The following DNM3 variants were observed in gnomAD, a reference collection of about 807,000 sequenced individuals.
The protein encoded by DNM3 is dynamin-3.
Under a neutral mutation model 101.6 loss-of-function variants are expected in DNM3, and 47 were observed. That is an observed-to-expected ratio of 0.46 (90% CI 0.37 to 0.59). DNM3 has a LOEUF of 0.59. Among genes scored for constraint, DNM3 ranks in the 20% least tolerant of loss-of-function variants. The pLI is 0.00. For synonymous variants in DNM3, 385 were observed against 387.9 expected, an observed-to-expected ratio of 0.99 and a Z score of 0.09; for missense variants, 849 against 1,085.7, an observed-to-expected ratio of 0.78 and a Z score of 3.06.
chr1:172,075,173 G>C (rs1316763326), intron 11 of DNM3, among the ~76,000 whole-genome samples: 2 of 150,828 alleles, frequency 1.3e-5, no homozygotes, highest in Non-Finnish European at 3.0e-5. Context: ...TTTTTTTCTG[G>C]TAAATTTGTA....
intron 17 of DNM3, among the ~76,000 whole-genome samples, chr1:172,327,456 A>C (rs556331047): frequency 1.3e-5 from 2 of 152,308 alleles, no homozygotes; most frequent in South Asian, 4.1e-4. Flanking sequence ...CGTATGTGAG[A>C]GAAAGTAGAT....
At chr1:172,058,028 A>C (rs1174167342) in intron 10 of DNM3, among the ~76,000 whole-genome samples, 7 of 141,370 alleles carry the variant, frequency 5.0e-5, no homozygotes, top group Non-Finnish European at 9.1e-5. Flanking sequence ...AAACAAAAAA[A>C]GGCAGGGGTT....
chr1:172,397,860 T>C (rs545107112), intron 20 of DNM3, among the ~76,000 whole-genome samples: 1 of 152,294 alleles, frequency 6.6e-6, no homozygotes, highest in South Asian at 2.1e-4. Context: ...GAAAAACGCA[T>C]GGAGTTACTC....
chr1:172,075,352 A>G (rs1410221642), intron 11 of DNM3, among the ~76,000 whole-genome samples: 1 of 152,016 alleles, frequency 6.6e-6, no homozygotes, highest in Non-Finnish European at 1.5e-5. Context: ...TTTTGTTGCC[A>G]TTGCTTTTGG....
chr1:171,901,073 A>C, intron 1 of DNM3, among the ~76,000 whole-genome samples: 1 of 139,946 alleles, frequency 7.1e-6, no homozygotes, highest in East Asian at 2.1e-4. Flanking sequence ...AGAGCGCGCC[A>C]CTGCACTCCA....
chr1:172,217,721 A>C (rs2060756909), intron 14 of DNM3, among the ~76,000 whole-genome samples: 1 of 152,150 alleles, frequency 6.6e-6, no homozygotes. Flanking sequence ...CCTATCAACC[A>C]AAGTTTATTC....
At chr1:172,165,639 G>A (rs1023203660) in intron 14 of DNM3, among the ~76,000 whole-genome samples, 2 of 151,968 alleles carry the variant, frequency 1.3e-5, no homozygotes, top group Non-Finnish European at 2.9e-5. Flanking sequence ...AGCAACCAAC[G>A]CTGCAAGGAA....
rs1439227687 is a variant in DNM3, at chr1:172,411,426, G to C, written c.*3585G>C. 13 of 984,646 alleles carry C rather than the reference G, an allele frequency of 1.3e-5. No individual in the cohort carries two copies. The highest frequency in any genetic ancestry group is 1.1e-5 in the Non-Finnish European group (9 of 829,646). 61.0% of individuals were successfully genotyped at this position (984,646 alleles called of 1,614,324 possible). ...TTTTCGGTAAGAAGTAAAACCTCTGGAGACCTATCTTTAAGATCTCTAATT... is the reference window on the plus strand; with the variant it reads ...TTTTCGGTAAGAAGTAAAACCTCTGCAGACCTATCTTTAAGATCTCTAATT... On this transcript the variant is annotated 3_prime_UTR_variant, in exon 21 of 21. Coordinates refer to ENST00000627582, the MANE Select transcript of DNM3 (RefSeq NM_015569.5).
At chr1:172,063,864 T>C (rs923636667) in intron 10 of DNM3, among the ~76,000 whole-genome samples, 1 of 152,184 alleles carries the variant, frequency 6.6e-6, no homozygotes, top group Non-Finnish European at 1.5e-5. Context: ...TGTATAGCTT[T>C]GACTGCAAGT....
chr1:172,250,963 C>G (rs1283291061), intron 14 of DNM3, among the ~76,000 whole-genome samples: 1 of 152,042 alleles, frequency 6.6e-6, no homozygotes, highest in East Asian at 1.9e-4. Context: ...TTTGTTTACC[C>G]CCAATATATT....
chr1:172,076,632 A>G (rs984389300), intron 11 of DNM3, among the ~76,000 whole-genome samples: 2 of 152,168 alleles, frequency 1.3e-5, no homozygotes, highest in Non-Finnish European at 2.9e-5. Context: ...TGATTTGCAT[A>G]TGTTGAACCT....
At chr1:172,292,960 G>A (rs532671429) in intron 15 of DNM3, among the ~76,000 whole-genome samples, 12 of 152,288 alleles carry the variant, frequency 7.9e-5, no homozygotes, top group East Asian at 5.8e-4. Flanking sequence ...AATAGGAGAC[G>A]TGAGAAAGGT....
At chr1:171,883,398 CA>C (rs1558209665) in intron 1 of DNM3, among the ~76,000 whole-genome samples, 17 of 118,688 alleles carry the variant, frequency 1.4e-4, no homozygotes, top group Admixed American at 3.2e-4. Context: ...CACACACACA[CA>C]CACACACACA....
chr1:172,307,696 A>G (rs1197458657), intron 15 of DNM3, among the ~76,000 whole-genome samples: 1 of 152,280 alleles, frequency 6.6e-6, no homozygotes, highest in East Asian at 1.9e-4. Context: ...ATGCAGCCAT[A>G]AAAAGGATGA....
intron 2 of DNM3, among the ~76,000 whole-genome samples, chr1:171,965,429 T>A (rs1376988140): frequency 6.6e-6 from 1 of 151,484 alleles, no homozygotes; most frequent in Non-Finnish European, 1.5e-5. Context: ...GACATGTGTC[T>A]GTAGTCCCAG....
intron 14 of DNM3, among the ~76,000 whole-genome samples, chr1:172,223,327 G>A (rs1408279762): frequency 7.4e-6 from 1 of 134,476 alleles, no homozygotes; most frequent in Non-Finnish European, 1.6e-5. Flanking sequence ...TCATTTAATG[G>A]TACCACCTCT....
chr1:172,378,849 T>G (rs994820025), intron 17 of DNM3, among the ~76,000 whole-genome samples, 169 bp from the exon 18 acceptor site: 4 of 151,970 alleles, frequency 2.6e-5, no homozygotes, highest in Non-Finnish European at 4.4e-5. Context: ...AACGGCAGGT[T>G]CCCCCATCTC....
At chr1:172,253,520 CT>C in intron 14 of DNM3, 52 bp from the exon 15 acceptor site, 1 of 1,210,316 alleles carries the variant, frequency 8.3e-7, no homozygotes, top group Non-Finnish European at 1.2e-6. Context: ...CTCTCCTCTC[CT>C]CTCCTCTCCT....
chr1:172,417,723 A>C (rs1265015371), intron 20 of DNM3, among the ~76,000 whole-genome samples: 1 of 152,110 alleles, frequency 6.6e-6, no homozygotes, highest in Non-Finnish European at 1.5e-5. Flanking sequence ...TTTTTTTCTG[A>C]GATCAACCTC....
Sources: gnomAD v4.1 joint callset for allele counts (sites outside exome capture counted in the v4.1 genomes callset) on GRCh38, gnomAD v4.1.1 for gene constraint, MANE v1.5 for transcripts, NCBI Gene and HGNC (gene_info 2026-07-23, HGNC 2026-07-21) for gene names.